The following TXNDC8 variants were observed in gnomAD, a reference collection of about 807,000 sequenced individuals.
The protein encoded by TXNDC8 is thioredoxin domain-containing protein 8.
TXNDC8 carries 15 observed loss-of-function variants against 12.9 expected under a neutral mutation model. The observed-to-expected ratio is 1.16, with a 90% CI of 0.78 to 1.79. The LOEUF is 1.79. TXNDC8 is among the 40% of genes most tolerant of loss of function. The pLI is 0.00. For synonymous variants in TXNDC8, 40 were observed against 35.4 expected (o/e 1.13, Z -0.46); for missense variants, 128 against 113.2 (o/e 1.13, Z -0.59).
At chr9:110,325,444 A>G (rs1839270869) in intron 3 of TXNDC8, among the ~76,000 whole-genome samples, 1 of 147,920 alleles carries the variant, frequency 6.8e-6, no homozygotes, top group African/African-American at 2.6e-5. Context: ...GTGCTCAACC[A>G]CTAGGCAATA....
rs1222562980 is a variant in TXNDC8, at chr9:110,305,693, CTCTTTAT to C, written c.196-1168_196-1162del. On this transcript the variant is annotated intron_variant, in intron 3 of 4. Coordinates refer to ENST00000423740, the MANE Select transcript of TXNDC8 (RefSeq NM_001286946.2). Reference sequence around the variant, plus strand: ...CTCTTTCTTACTCTCTTTCTTTCTCCTCTTTATATCTTTCCTTCTTTTTCTTTCTTTC... The same window carrying C: ...CTCTTTCTTACTCTCTTTCTTTCTCCATCTTTCCTTCTTTTTCTTTCTTTC... Among the ~76,000 whole-genome samples, 80 of 136,234 alleles carry C rather than the reference CTCTTTAT, an allele frequency of 5.9e-4. 1 individual carries two copies. The highest frequency in any genetic ancestry group is 2.2e-3 in the African/African-American group (78 of 36,278). The allele number at this position is 136,234 out of a possible 152,430, so 89.4% of individuals were successfully genotyped here.
chr9:110,337,730 TG>T lies in TXNDC8; in HGVS notation c.24+42del, dbSNP rs773522829. 1.9e-6 allele frequency: 3 copies of T among 1,594,470 alleles called. No homozygotes were observed. The Admixed American group carries it at 5.0e-5, about 27-fold the overall frequency. ...AAGTTTTTCAAATCTGTTCCCAAGA[TG>T]TCCACATTTGAAATACTCAGTGAAG... is the stretch of plus-strand genomic sequence containing the variant. On this transcript the variant is annotated intron_variant, in intron 1 of 4. Coordinates refer to ENST00000423740, the MANE Select transcript of TXNDC8 (RefSeq NM_001286946.2).
chr9:110,336,544 T>C (rs1386147109), intron 1 of TXNDC8, among the ~76,000 whole-genome samples: 1 of 152,174 alleles, frequency 6.6e-6, no homozygotes, highest in Non-Finnish European at 1.5e-5. Context: ...GGGAATACTC[T>C]CATAGTATAG....
downstream of TXNDC8, among the ~76,000 whole-genome samples, chr9:110,303,161 A>T (rs191152691): frequency 3.3e-4 from 51 of 152,316 alleles, 2 homozygotes; most frequent in East Asian, 9.4e-3. Context: ...GGGCACTAAG[A>T]CATTTATTTG....
chr9:110,306,202 G>A (rs2118698804), intron 3 of TXNDC8, among the ~76,000 whole-genome samples: 1 of 152,280 alleles, frequency 6.6e-6, no homozygotes, highest in Non-Finnish European at 1.5e-5. Context: ...ACCAGCAGAG[G>A]ATGAGTGTTC....
At chr9:110,311,521 G>GTATGTA (rs1554702025) in intron 3 of TXNDC8, among the ~76,000 whole-genome samples, 1 of 41,246 alleles carries the variant, frequency 2.4e-5, no homozygotes, top group East Asian at 7.3e-4. Flanking sequence ...AAATAAAGAG[G>GTATGTA]TATATATATA....
chr9:110,326,976 G>A (rs1021550958), intron 2 of TXNDC8, among the ~76,000 whole-genome samples: 27 of 38,354 alleles, frequency 7.0e-4, no homozygotes, highest in South Asian at 7.5e-4. Flanking sequence ...ACACACACAC[G>A]TGAAGACATA....
At chr9:110,317,934 A>G (rs1223463800) in intron 3 of TXNDC8, among the ~76,000 whole-genome samples, 1 of 152,186 alleles carries the variant, frequency 6.6e-6, no homozygotes, top group Admixed American at 6.5e-5. Context: ...TTTGTTATAT[A>G]TTCCTGGAGG....
At chr9:110,333,300 A>T (rs923794394) in intron 2 of TXNDC8, among the ~76,000 whole-genome samples, 1 of 152,156 alleles carries the variant, frequency 6.6e-6, no homozygotes, top group African/African-American at 2.4e-5. Flanking sequence ...TAGGAGCAAG[A>T]ACCGTATTCT....
At chr9:110,308,340 T>C (rs2118712558) in intron 3 of TXNDC8, among the ~76,000 whole-genome samples, 1 of 152,364 alleles carries the variant, frequency 6.6e-6, no homozygotes, top group African/African-American at 2.4e-5. Context: ...TTGATTTTTT[T>C]GCTGGTTCTT....
intron 4 of TXNDC8, 126 bp downstream of exon 5, chr9:110,304,339 GAA>G (rs1324340129): frequency 1.3e-6 from 1 of 794,606 alleles, no homozygotes; most frequent in Non-Finnish European, 2.0e-6. Context: ...GCTGCAGGGA[GAA>G]ACCATCCCCA....
chr9:110,309,385 G>A (rs182474537), intron 3 of TXNDC8, among the ~76,000 whole-genome samples: 367 of 152,072 alleles, frequency 2.4e-3, no homozygotes, highest in Non-Finnish European at 4.0e-3. Context: ...ATCCAGGCTG[G>A]AGTGCAGTGG....
chr9:110,326,208 T>G lies in TXNDC8; in HGVS notation c.162A>C (p.Ile54=). Residue 54 remains isoleucine, a synonymous_variant, in exon 3 of 5, where the codon ATA becomes ATC. Coordinates refer to ENST00000423740, the MANE Select transcript of TXNDC8 (RefSeq NM_001286946.2). ...TTTTCTTGAACATCTGAAATGTGGGTATTGTTTTGATGTGACAAGTTTCAG... is the reference window on the plus strand; with the variant it reads ...TTTTCTTGAACATCTGAAATGTGGGGATTGTTTTGATGTGACAAGTTTCAG... The G allele has an allele frequency of 6.2e-7, 1 of 1,614,004 alleles. No homozygotes were observed. Among genetic ancestry groups the G allele is most frequent in the Non-Finnish European group, 8.5e-7 (1 of 1,179,940 alleles).
At chr9:110,326,032 C>T (rs1037867613) in intron 3 of TXNDC8, 143 bp downstream of exon 4, 1 of 795,912 alleles carries the variant, frequency 1.3e-6, no homozygotes, top group African/African-American at 1.7e-5. Flanking sequence ...TAAAGTACAA[C>T]ATACTTGTAT....
intron 1 of TXNDC8, 55 bp downstream of exon 1, chr9:110,337,718 C>T: frequency 6.4e-7 from 1 of 1,558,738 alleles, no homozygotes; most frequent in East Asian, 2.2e-5. Flanking sequence ...TTTTTCAAAT[C>T]TGTTCCCAAG....
chr9:110,331,960 C>T (rs1159835683), intron 2 of TXNDC8, among the ~76,000 whole-genome samples: 2 of 152,112 alleles, frequency 1.3e-5, no homozygotes, highest in Admixed American at 1.3e-4. Context: ...TCCTCCAACC[C>T]CCTCATATAC....
At chr9:110,332,329 T>C (rs55972312) in intron 2 of TXNDC8, among the ~76,000 whole-genome samples, 16,740 of 152,238 alleles carry the variant, frequency 0.11, 1,040 homozygotes, top group Middle Eastern at 0.15. Flanking sequence ...GTGCTGAGAT[T>C]ACAGGCATCA....
At chr9:110,305,778 CTTTTCTTTTCTTTCT>C (rs144478507) in intron 3 of TXNDC8, among the ~76,000 whole-genome samples, 2,473 of 93,622 alleles carry the variant, frequency 0.026, 57 homozygotes, top group South Asian at 0.083. Context: ...CTTTTCTTTT[CTTTTCTTTTCTTTCT>C]TTTCTTTTCT....
intron 2 of TXNDC8, among the ~76,000 whole-genome samples, chr9:110,331,139 G>A (rs1839528883): frequency 6.6e-6 from 1 of 152,176 alleles, no homozygotes; most frequent in Non-Finnish European, 1.5e-5. Flanking sequence ...CATTTTACTA[G>A]TCAGATGCAT....
Sources: allele counts gnomAD v4.1 joint callset (sites outside exome capture counted in the v4.1 genomes callset), GRCh38; gene constraint gnomAD v4.1.1; transcripts MANE v1.5; gene names NCBI Gene and HGNC (gene_info 2026-07-23, HGNC 2026-07-21).